The following KDM4C variants were observed in gnomAD, a reference collection of about 807,000 sequenced individuals.
The protein encoded by KDM4C is lysine-specific demethylase 4C.
In KDM4C, 81 loss-of-function variants were observed where a neutral mutation model predicts 129.3. The ratio of observed to expected loss-of-function variants is 0.63; its 90% CI spans 0.52 to 0.75. The LOEUF is 0.75. Among genes scored for constraint, KDM4C ranks in the 30% least tolerant of loss-of-function variants. The pLI is 0.00. For missense variants in KDM4C, 1,457 were observed against 1,304.0 expected (o/e 1.12, Z -1.81); for synonymous variants, 573 against 456.1 (o/e 1.26, Z -3.26).
intron 1 of KDM4C, among the ~76,000 whole-genome samples, chr9:6,762,301 A>G (rs1233698891): frequency 8.3e-6 from 1 of 120,268 alleles, no homozygotes; most frequent in Non-Finnish European, 1.7e-5. Flanking sequence ...CCCTGTGTCC[A>G]TGTGTTCTCA....
At chr9:6,750,624 G>A (rs1247802309) in intron 1 of KDM4C, among the ~76,000 whole-genome samples, 1 of 152,162 alleles carries the variant, frequency 6.6e-6, no homozygotes, top group Admixed American at 6.5e-5. Flanking sequence ...CTAAAGTTAT[G>A]AATAATTCTC....
chr9:6,747,157 C>T (rs1273190491), intron 1 of KDM4C, among the ~76,000 whole-genome samples: 1 of 151,846 alleles, frequency 6.6e-6, no homozygotes, highest in African/African-American at 2.4e-5. Context: ...CACTCCACTG[C>T]ACTTCAGCCC....
At chr9:6,750,546 C>A (rs1382734718) in intron 1 of KDM4C, among the ~76,000 whole-genome samples, 6 of 151,928 alleles carry the variant, frequency 3.9e-5, no homozygotes, top group Non-Finnish European at 8.8e-5. Context: ...AGTTCAGGAA[C>A]AACTGAAAGC....
chr9:6,818,808 A>G (rs1470191551), intron 4 of KDM4C: 1 of 152,204 alleles, frequency 6.6e-6, no homozygotes, highest in Non-Finnish European at 1.5e-5. Context: ...GGGCCATGAC[A>G]CGCTCTTATC....
chr9:7,169,963 C>T (rs780539632), intron 21 of KDM4C, 73 bp downstream of exon 21: 3 of 1,604,438 alleles, frequency 1.9e-6, no homozygotes, highest in South Asian at 2.2e-5. Flanking sequence ...TTCCCAAGCC[C>T]AGCAGGAAAC....
chr9:6,953,556 A>G (rs759318301), intron 8 of KDM4C, among the ~76,000 whole-genome samples: 1 of 152,206 alleles, frequency 6.6e-6, no homozygotes, highest in Non-Finnish European at 1.5e-5. Context: ...ATTGATTTTG[A>G]TAGCTCATTT....
At chr9:6,793,413 C>T (rs1388942686) in intron 2 of KDM4C, among the ~76,000 whole-genome samples, 6 of 151,784 alleles carry the variant, frequency 4.0e-5, no homozygotes, top group African/African-American at 1.5e-4. Flanking sequence ...GTATGGGTTT[C>T]AGAGGTGTGA....
intron 17 of KDM4C, among the ~76,000 whole-genome samples, chr9:7,061,594 C>T (rs1185159707): frequency 1.3e-5 from 2 of 152,310 alleles, no homozygotes; most frequent in South Asian, 4.1e-4. Flanking sequence ...GTCCAGTCTC[C>T]AGACTGAAGG....
intron 2 of KDM4C, among the ~76,000 whole-genome samples, chr9:6,802,629 A>G (rs972940993): frequency 6.6e-6 from 1 of 152,090 alleles, no homozygotes; most frequent in East Asian, 1.9e-4. Context: ...TTGCTTATTT[A>G]TTTATTTATT....
At chr9:6,839,257 T>C (rs1836452317) in intron 4 of KDM4C, among the ~76,000 whole-genome samples, 1 of 152,088 alleles carries the variant, frequency 6.6e-6, no homozygotes, top group Non-Finnish European at 1.5e-5. Context: ...TGACACAGGG[T>C]CTCACTCGGT....
chr9:7,130,096 C>T (rs1046197469), intron 19 of KDM4C, among the ~76,000 whole-genome samples: 2 of 152,278 alleles, frequency 1.3e-5, no homozygotes, highest in Non-Finnish European at 1.5e-5. Context: ...TTTCACCAGC[C>T]CTGTGCAGGC....
chr9:6,778,642 C>G (rs1355143095), intron 1 of KDM4C, among the ~76,000 whole-genome samples: 1 of 151,780 alleles, frequency 6.6e-6, no homozygotes, highest in Non-Finnish European at 1.5e-5. Flanking sequence ...TGGCACATGC[C>G]TGTAATCCCA....
chr9:7,070,928 C>G (rs1833104860), intron 17 of KDM4C, among the ~76,000 whole-genome samples: 1 of 152,016 alleles, frequency 6.6e-6, no homozygotes, highest in Non-Finnish European at 1.5e-5. Context: ...TCCATAAAGT[C>G]CCAAAGGTTT....
intron 8 of KDM4C, among the ~76,000 whole-genome samples, chr9:6,953,787 T>A (rs534091612): frequency 1.6e-4 from 25 of 152,308 alleles, no homozygotes; most frequent in African/African-American, 4.3e-4. Context: ...TGCCACCATA[T>A]CATCCCTATT....
At chr9:6,793,411 T>G (rs1827121715) in intron 2 of KDM4C, among the ~76,000 whole-genome samples, 1 of 152,070 alleles carries the variant, frequency 6.6e-6, no homozygotes, top group African/African-American at 2.4e-5. Flanking sequence ...ATGTATGGGT[T>G]TCAGAGGTGT....
chr9:6,729,204 C>CAAA (rs1186478804), intron 1 of KDM4C, among the ~76,000 whole-genome samples: 81 of 32,036 alleles, frequency 2.5e-3, no homozygotes, highest in African/African-American at 2.7e-3. Flanking sequence ...GCTCCGTCTC[C>CAAA]AAAAAAAAAA....
chr9:6,738,519 G>A (rs796815408), intron 1 of KDM4C, among the ~76,000 whole-genome samples: 28 of 152,096 alleles, frequency 1.8e-4, no homozygotes, highest in African/African-American at 6.3e-4. Context: ...CTGGAGTCTC[G>A]ACCTCCCAAG....
intron 5 of KDM4C, among the ~76,000 whole-genome samples, chr9:6,866,636 G>A (rs1313503294): frequency 6.6e-6 from 1 of 152,036 alleles, no homozygotes; most frequent in Non-Finnish European, 1.5e-5. Flanking sequence ...GATTGAAGAA[G>A]GGACAGTGTC....
chr9:6,877,271 G>A (rs1843703433), intron 5 of KDM4C, among the ~76,000 whole-genome samples: 1 of 152,200 alleles, frequency 6.6e-6, no homozygotes, highest in African/African-American at 2.4e-5. Flanking sequence ...CGCCATCTCA[G>A]CTCACTGCAA....
Sources: gnomAD v4.1 joint callset for allele counts (sites outside exome capture counted in the v4.1 genomes callset) on GRCh38, gnomAD v4.1.1 for gene constraint, MANE v1.5 for transcripts, NCBI Gene and HGNC (gene_info 2026-07-23, HGNC 2026-07-21) for gene names.